Variants in WWOX observed in about 807,000 individuals in gnomAD.
The protein encoded by WWOX is WW domain-containing oxidoreductase.
In WWOX, 69 loss-of-function variants were observed where a neutral mutation model predicts 46.2. The ratio of observed to expected loss-of-function variants is 1.49; its 90% CI spans 1.23 to 1.82. The LOEUF is 1.82. Ranked by LOEUF, WWOX falls within the 40% of genes most tolerant of loss-of-function variation. The pLI, the probability that WWOX is intolerant of heterozygous loss-of-function variation, is 0.00. For synonymous variants in WWOX, 359 were observed against 202.6 expected (o/e 1.77, Z -6.56); for missense variants, 919 against 542.6 (o/e 1.69, Z -6.89).
At chr16:78,144,584 C>G (rs1390892770) in intron 4 of WWOX, among the ~76,000 whole-genome samples, 1 of 138,896 alleles carries the variant, frequency 7.2e-6, no homozygotes, top group East Asian at 2.1e-4. Flanking sequence ...TACAGTGGCG[C>G]GATCTGAGCT....
chr16:79,153,940 ACAATTTCTTGTCC>A (rs529510238), intron 8 of WWOX, among the ~76,000 whole-genome samples: 6,054 of 152,198 alleles, frequency 0.04, 225 homozygotes, highest in African/African-American at 0.094. Context: ...TGGACTGTCC[ACAATTTCTTGTCC>A]TGCCTCCCGT....
At chr16:78,822,317 A>T (rs2051521387) in intron 8 of WWOX, among the ~76,000 whole-genome samples, 2 of 152,154 alleles carry the variant, frequency 1.3e-5, no homozygotes, top group African/African-American at 4.8e-5. Context: ...GACATGACGA[A>T]ACGCCATCTC....
At chr16:78,848,901 A>G (rs1407475176) in intron 8 of WWOX, among the ~76,000 whole-genome samples, 1 of 151,744 alleles carries the variant, frequency 6.6e-6, no homozygotes, top group Non-Finnish European at 1.5e-5. Context: ...TTATCCTTGC[A>G]GATAAGTTAG....
At chr16:79,021,732 A>C (rs1354904351) in intron 8 of WWOX, among the ~76,000 whole-genome samples, 1 of 152,200 alleles carries the variant, frequency 6.6e-6, no homozygotes, top group East Asian at 1.9e-4. Flanking sequence ...GTTAGTGAAA[A>C]ATAAAGATGT....
Position 78,344,566 on chromosome 16 carries a change from C to G in WWOX, c.517-42294C>G, listed in dbSNP as rs996177147. Among the ~76,000 whole-genome samples, 6 of 121,090 alleles carry G rather than the reference C, an allele frequency of 5.0e-5. 1 individual carries two copies. The highest frequency in any genetic ancestry group is 1.2e-4 in the Non-Finnish European group (6 of 50,630). 79.4% of individuals were successfully genotyped at this position (121,090 alleles called of 152,430 possible). On this transcript the variant is annotated intron_variant, in intron 5 of 8. Transcript: ENST00000566780. Reference sequence around the variant, plus strand: ...TGGGAATCTTTGCCTGTGACTCTATCGTGTGAATTAGCAGAGCTTGGCTAT... The same window carrying G: ...TGGGAATCTTTGCCTGTGACTCTATGGTGTGAATTAGCAGAGCTTGGCTAT...
At chr16:78,706,501 C>T (rs894355583) in intron 8 of WWOX, among the ~76,000 whole-genome samples, 6 of 152,174 alleles carry the variant, frequency 3.9e-5, no homozygotes, top group African/African-American at 1.4e-4. Flanking sequence ...CTTTTTGAAG[C>T]TTTTCATTTC....
intron 8 of WWOX, among the ~76,000 whole-genome samples, chr16:78,434,036 G>C (rs905992741): frequency 6.6e-6 from 1 of 152,016 alleles, no homozygotes. Flanking sequence ...TGATCCGCCC[G>C]CCTCGGCCTC....
chr16:78,137,390 TA>T (rs1290797184), intron 4 of WWOX, among the ~76,000 whole-genome samples: 1 of 152,178 alleles, frequency 6.6e-6, no homozygotes, highest in African/African-American at 2.4e-5. Flanking sequence ...TCCTCATCTG[TA>T]AAATGGGAAC....
chr16:78,778,311 A>AG (rs2050242500), intron 8 of WWOX, among the ~76,000 whole-genome samples: 1 of 152,210 alleles, frequency 6.6e-6, no homozygotes, highest in South Asian at 2.1e-4. Flanking sequence ...CGCCGCCAGC[A>AG]GTCCACGCTT....
At chr16:78,448,863 G>A (rs2083621776) in intron 8 of WWOX, among the ~76,000 whole-genome samples, 2 of 152,132 alleles carry the variant, frequency 1.3e-5, no homozygotes, top group Non-Finnish European at 2.9e-5. Flanking sequence ...TGGCGCTGGT[G>A]AGGGGGCTGT....
chr16:79,098,398 G>A (rs952312016), intron 8 of WWOX, among the ~76,000 whole-genome samples: 1 of 152,198 alleles, frequency 6.6e-6, no homozygotes, highest in African/African-American at 2.4e-5. Flanking sequence ...TTAACCAGCA[G>A]AAGAAAGCCC....
intron 8 of WWOX, among the ~76,000 whole-genome samples, chr16:78,493,768 G>C (rs1037040268): frequency 2.0e-5 from 3 of 152,180 alleles, no homozygotes; most frequent in Non-Finnish European, 4.4e-5. Flanking sequence ...ATACAGAAGA[G>C]ATGGAACTAG....
intron 8 of WWOX, among the ~76,000 whole-genome samples, chr16:78,751,684 T>G (rs1257693321): frequency 6.6e-6 from 1 of 151,248 alleles, no homozygotes; most frequent in African/African-American, 2.4e-5. Context: ...TCTGCAGAGT[T>G]AAAAAATACG....
chr16:78,795,922 C>G (rs565982099), intron 8 of WWOX, among the ~76,000 whole-genome samples: 1 of 151,816 alleles, frequency 6.6e-6, no homozygotes, highest in Non-Finnish European at 1.5e-5. Context: ...TTTAAGTAAG[C>G]GAACGAAATG....
chr16:78,657,555 G>C (rs1046035328), intron 8 of WWOX, among the ~76,000 whole-genome samples: 4 of 152,304 alleles, frequency 2.6e-5, no homozygotes, highest in African/African-American at 9.6e-5. Flanking sequence ...TCTAGTTAAA[G>C]ACGTGACCCT....
intron 4 of WWOX, among the ~76,000 whole-genome samples, chr16:78,134,933 C>T (rs1391402041): frequency 2.0e-5 from 3 of 152,184 alleles, no homozygotes; most frequent in Admixed American, 6.5e-5. Flanking sequence ...TCACTGAAGC[C>T]TGGGGACATT....
At chr16:78,958,177 T>C (rs1034396986) in intron 8 of WWOX, among the ~76,000 whole-genome samples, 1 of 152,230 alleles carries the variant, frequency 6.6e-6, no homozygotes, top group Admixed American at 6.5e-5. Flanking sequence ...ATTTGGTCCT[T>C]TTAAGACCGC....
At chr16:78,836,269 A>G (rs758494728) in intron 8 of WWOX, among the ~76,000 whole-genome samples, 17 of 151,900 alleles carry the variant, frequency 1.1e-4, no homozygotes, top group Non-Finnish European at 2.1e-4. Context: ...GGCAAGTTGT[A>G]CTGCTGTGGC....
intron 8 of WWOX, among the ~76,000 whole-genome samples, chr16:78,629,889 G>T (rs564914286): frequency 1.1e-4 from 16 of 152,116 alleles, no homozygotes; most frequent in Non-Finnish European, 2.2e-4. Flanking sequence ...AATTATCTAA[G>T]AAGTAGATTT....
Sources: gnomAD v4.1 joint callset for allele counts (sites outside exome capture counted in the v4.1 genomes callset) on GRCh38, gnomAD v4.1.1 for gene constraint, MANE v1.5 for transcripts, NCBI Gene and HGNC (gene_info 2026-07-23, HGNC 2026-07-21) for gene names.